The following GABPB1 variants were observed in gnomAD, a reference collection of about 807,000 sequenced individuals.
GABPB1 encodes GA binding protein transcription factor subunit beta 1, also known as GA-binding protein subunit beta-1.
A neutral mutation model predicts 45.9 loss-of-function variants in GABPB1; 15 were observed. The observed-to-expected ratio is 0.33, with a 90% confidence interval of 0.22 to 0.50. The LOEUF (loss-of-function observed/expected upper bound fraction) is 0.50. Among genes scored for constraint, GABPB1 ranks in the 20% least tolerant of loss-of-function variants. GABPB1 has a pLI of 0.98. For missense variants in GABPB1, 252 were observed against 457.5 expected (o/e 0.55, Z 4.10); for synonymous variants, 143 against 154.4 (o/e 0.93, Z 0.55).
intron 1 of GABPB1, chr15:50,349,655 A>G (rs2048749891): frequency 6.6e-6 from 1 of 152,222 alleles, no homozygotes; most frequent in Admixed American, 6.5e-5. Context: ...TATTACTTCT[A>G]GAATAAGGAA....
chr15:50,342,647 T>C (rs1351161400), intron 1 of GABPB1, among the ~76,000 whole-genome samples: 1 of 152,236 alleles, frequency 6.6e-6, no homozygotes, highest in African/African-American at 2.4e-5. Flanking sequence ...ATTAACAGAC[T>C]GTGAAATCAC....
At chr15:50,352,272 A>G (rs896733837) in intron 1 of GABPB1, 2 of 152,104 alleles carry the variant, frequency 1.3e-5, no homozygotes, top group African/African-American at 4.8e-5. Flanking sequence ...TTCATGGTAC[A>G]GGAGATGTGG....
At chr15:50,325,459 A>G (rs1336719735) in intron 1 of GABPB1, among the ~76,000 whole-genome samples, 1 of 152,158 alleles carries the variant, frequency 6.6e-6, no homozygotes, top group Non-Finnish European at 1.5e-5. Context: ...CAAAAAAAAA[A>G]AATCATCATC....
chr15:50,330,292 A>G (rs1354180530), intron 1 of GABPB1, among the ~76,000 whole-genome samples: 1 of 152,098 alleles, frequency 6.6e-6, no homozygotes, highest in Non-Finnish European at 1.5e-5. Flanking sequence ...TATATCCTGG[A>G]AAATACTGCA....
At chr15:50,321,458 G>A (rs530270890) in intron 1 of GABPB1, among the ~76,000 whole-genome samples, 1 of 152,216 alleles carries the variant, frequency 6.6e-6, no homozygotes, top group Non-Finnish European at 1.5e-5. Flanking sequence ...CATAACCTGA[G>A]GACATCCCAC....
intron 3 of GABPB1, among the ~76,000 whole-genome samples, chr15:50,303,366 TG>T (rs1490611508): frequency 5.3e-5 from 8 of 151,854 alleles, no homozygotes; most frequent in African/African-American, 1.9e-4. Flanking sequence ...CTGGGCAATA[TG>T]GCAAAACCCC....
chr15:50,297,818 A>AGAGT (rs1337524476), intron 6 of GABPB1, among the ~76,000 whole-genome samples: 1 of 152,216 alleles, frequency 6.6e-6, no homozygotes, highest in Non-Finnish European at 1.5e-5. Flanking sequence ...CTGGGGTGAC[A>AGAGT]GAGTGAGACC....
chr15:50,319,438 TC>T (rs746632251), intron 1 of GABPB1, among the ~76,000 whole-genome samples: 50 of 152,196 alleles, frequency 3.3e-4, no homozygotes, highest in Non-Finnish European at 5.7e-4. Context: ...TCTGCCACCC[TC>T]CCCGCTTTTG....
chr15:50,314,036 A>C (rs1021679392), intron 1 of GABPB1, among the ~76,000 whole-genome samples: 4 of 152,202 alleles, frequency 2.6e-5, no homozygotes, highest in Admixed American at 2.0e-4. Flanking sequence ...TAAAATCATG[A>C]AGCATTTGAA....
chr15:50,349,769 T>C (rs2048753302), intron 1 of GABPB1: 1 of 152,252 alleles, frequency 6.6e-6, no homozygotes, highest in Admixed American at 6.5e-5. Context: ...TTTCTCAGCT[T>C]ATGCTAACAC....
intron 1 of GABPB1, chr15:50,327,095 G>T (rs1004599970): frequency 6.6e-6 from 1 of 152,056 alleles, no homozygotes; most frequent in Non-Finnish European, 1.5e-5. Flanking sequence ...ATGGAGGCTT[G>T]AAAAGAGTGC....
chr15:50,310,542 A>G (rs2047094852), intron 1 of GABPB1, among the ~76,000 whole-genome samples: 1 of 152,244 alleles, frequency 6.6e-6, no homozygotes, highest in African/African-American at 2.4e-5. Flanking sequence ...TTTTTTTGCA[A>G]TAGTAAATGT....
At chr15:50,327,823 C>T (rs1356168561) in intron 1 of GABPB1, among the ~76,000 whole-genome samples, 2 of 151,790 alleles carry the variant, frequency 1.3e-5, no homozygotes, top group Admixed American at 6.6e-5. Context: ...CGCTTGAACC[C>T]GGGAGGTGGA....
At position 50,276,433 on chromosome 15, in the gene GABPB1, T is replaced by C. The variant is rs535663772; in HGVS notation, c.*2199A>G. The C allele has an allele frequency of 4.1e-4, 63 of 152,226 alleles. No individual in the cohort carries two copies. The highest frequency in any genetic ancestry group is 8.1e-4 in the Non-Finnish European group (55 of 68,046). The allele number at this position is 152,226 out of a possible 1,614,324, so 9.4% of individuals were successfully genotyped here. A position where few individuals can be genotyped will look rare whatever the true frequency, so the allele number is the denominator to read the frequency against. On this transcript the variant is annotated 3_prime_UTR_variant, in exon 9 of 9. Transcript: ENST00000380877. ...TCAGATGTAAATGATTGAGAAATTA[T>C]GTTATGTAACAATGACTCTGAAAAA...
intron 8 of GABPB1, chr15:50,282,206 T>A (rs915378710): frequency 9.4e-6 from 4 of 425,952 alleles, no homozygotes; most frequent in African/African-American, 8.5e-5. Flanking sequence ...TCTCAAAAAA[T>A]AAATAAATAA....
At chr15:50,318,994 T>C (rs1316575214) in intron 1 of GABPB1, among the ~76,000 whole-genome samples, 3 of 152,298 alleles carry the variant, frequency 2.0e-5, no homozygotes, top group South Asian at 2.1e-4. Flanking sequence ...TGTAATCCTA[T>C]TGAAAAGATA....
intron 6 of GABPB1, among the ~76,000 whole-genome samples, chr15:50,296,501 C>A (rs2046516233): frequency 6.6e-6 from 1 of 151,920 alleles, no homozygotes; most frequent in Admixed American, 6.6e-5. Flanking sequence ...CTAAAAGAGC[C>A]CAGAGATCAT....
rs1310860178 is a variant in GABPB1, at chr15:50,286,096, T to C, written c.971A>G (p.Glu324Gly). 6.2e-7 allele frequency: 1 copy of C among 1,612,748 alleles called. No individual in the cohort carries two copies. Among genetic ancestry groups the C allele is most frequent in the African/African-American group, 1.3e-5 (1 of 74,866 alleles). ...PAKRQCIEII[E>G]NRVESAEIEE... ...TATTTCTGCAGATTCCACCCGGTTT[T>C]CAATTATTTCGATACATTGTCTCTT... The change falls in exon 8 of 9, where the codon GAA becomes GGA. Residue 324 changes from glutamate (E) to glycine (G), a missense_variant. Physicochemically the swap from Glu to Gly is moderately conservative, Grantham distance 98 (BLOSUM62 -2). Coordinates refer to ENST00000380877, the MANE Select transcript of GABPB1 (RefSeq NM_016654.5).
chr15:50,303,693 A>C (rs1035818178), intron 3 of GABPB1, among the ~76,000 whole-genome samples: 2 of 148,476 alleles, frequency 1.3e-5, no homozygotes, highest in Non-Finnish European at 3.0e-5. Flanking sequence ...AAAAAAAAAA[A>C]CAAAAAGAAA....
Sources: allele counts gnomAD v4.1 joint callset (sites outside exome capture counted in the v4.1 genomes callset), GRCh38; gene constraint gnomAD v4.1.1; transcripts MANE v1.5; gene names NCBI Gene and HGNC (gene_info 2026-07-23, HGNC 2026-07-21).